The following CYRIA variants were observed in gnomAD, a reference collection of about 807,000 sequenced individuals.
CYRIA encodes CYFIP related Rac1 interactor A.
CYRIA carries 15 observed loss-of-function variants against 43.9 expected under a neutral mutation model. The observed-to-expected ratio is 0.34, with a 90% confidence interval of 0.23 to 0.53. The LOEUF is 0.53. Ranked by LOEUF, CYRIA falls within the 20% of genes least tolerant of loss-of-function variation. The pLI, the probability that CYRIA is intolerant of heterozygous loss-of-function variation, is 0.94. For synonymous variants in CYRIA, 117 were observed against 136.0 expected (o/e 0.86, Z 0.97); for missense variants, 236 against 394.2 (o/e 0.60, Z 3.40).
intron 3 of CYRIA, among the ~76,000 whole-genome samples, chr2:16,567,608 T>C (rs1457948676): frequency 1.3e-5 from 2 of 152,088 alleles, no homozygotes; most frequent in Admixed American, 1.3e-4. Context: ...ATTTTTAGAC[T>C]AGGTGACTCA....
At chr2:16,602,400 C>G (rs1423908511) in intron 2 of CYRIA, among the ~76,000 whole-genome samples, 1 of 152,118 alleles carries the variant, frequency 6.6e-6, no homozygotes, top group East Asian at 1.9e-4. Context: ...AAACTACAGA[C>G]TGACCATGAA....
At chr2:16,633,710 A>G (rs879607192) in intron 1 of CYRIA, among the ~76,000 whole-genome samples, 4 of 151,922 alleles carry the variant, frequency 2.6e-5, no homozygotes, top group Non-Finnish European at 5.9e-5. Flanking sequence ...GGACTGTTAC[A>G]TCAATCTCCT....
At position 16,552,736 on chromosome 2, in the gene CYRIA, C is replaced by A; in HGVS notation, c.*200G>T. Reference sequence around the variant, plus strand: ...TTGGAGAAGGGGGTTTCATTTCAGACATCAAAGGTAAGGCTCTCAAGTCAA... The same window carrying A: ...TTGGAGAAGGGGGTTTCATTTCAGAAATCAAAGGTAAGGCTCTCAAGTCAA... On this transcript the variant is annotated 3_prime_UTR_variant, in exon 12 of 12. Coordinates refer to ENST00000381323, the MANE Select transcript of CYRIA (RefSeq NM_030797.4). 1 of 494,140 alleles carries A rather than the reference C, an allele frequency of 2.0e-6. No homozygotes were observed. Among genetic ancestry groups the A allele is most frequent in the South Asian group, 3.4e-5 (1 of 29,840 alleles). The allele number at this position is 494,140 out of a possible 1,614,324, so 30.6% of individuals were successfully genotyped here.
At chr2:16,656,231 T>C (rs1572208108) in intron 1 of CYRIA, among the ~76,000 whole-genome samples, 1 of 150,740 alleles carries the variant, frequency 6.6e-6, no homozygotes, top group African/African-American at 2.5e-5. Flanking sequence ...CACACACACA[T>C]ACCCACACTC....
intron 2 of CYRIA, among the ~76,000 whole-genome samples, chr2:16,613,512 C>T (rs1411737051): frequency 6.7e-6 from 1 of 149,728 alleles, no homozygotes; most frequent in Non-Finnish European, 1.5e-5. Context: ...TGCAAATGCC[C>T]TCATTTAATT....
rs1187434735 is a variant in CYRIA at position 16,593,680 on chromosome 2, ATT to A, written c.-10-5553_-10-5552del. Among the ~76,000 whole-genome samples the A allele has an allele frequency of 2.2e-4, 17 of 76,804 alleles. No homozygotes were observed. The East Asian group carries it at 4.5e-3, about 20-fold the overall frequency. The allele number at this position is 76,804 out of a possible 152,430, so 50.4% of individuals were successfully genotyped here. Reference sequence around the variant, plus strand: ...GGATTATCATCAAAGATTTAACTTTATTTTTTTGTGTGTGTGTGTTTTTTTTT... The same window carrying A: ...GGATTATCATCAAAGATTTAACTTTATTTTTGTGTGTGTGTGTTTTTTTTT... On this transcript the variant is annotated intron_variant, in intron 2 of 11. Coordinates refer to ENST00000381323, the MANE Select transcript of CYRIA (RefSeq NM_030797.4).
chr2:16,591,370 C>T (rs1299105073), intron 2 of CYRIA, among the ~76,000 whole-genome samples: 1 of 152,074 alleles, frequency 6.6e-6, no homozygotes, highest in African/African-American at 2.4e-5. Flanking sequence ...AGAAGTGTCC[C>T]CTTCAATATT....
chr2:16,641,386 C>A (rs1669671921), intron 1 of CYRIA, among the ~76,000 whole-genome samples: 1 of 152,140 alleles, frequency 6.6e-6, no homozygotes, highest in Admixed American at 6.5e-5. Context: ...CTCCTATATG[C>A]CCCTTTTTCT....
At chr2:16,651,225 C>T (rs535884165) in intron 1 of CYRIA, among the ~76,000 whole-genome samples, 3 of 152,342 alleles carry the variant, frequency 2.0e-5, no homozygotes, top group Non-Finnish European at 4.4e-5. Flanking sequence ...ACACCTCCCA[C>T]TCCTGTATAC....
At chr2:16,561,645 T>A in intron 6 of CYRIA, 112 bp from the exon 7 acceptor site, 1 of 813,764 alleles carries the variant, frequency 1.2e-6, no homozygotes, top group Non-Finnish European at 2.0e-6. Flanking sequence ...TTCTCTTTGT[T>A]ACATAAGAGT....
chr2:16,585,766 C>A (rs1312997546), intron 3 of CYRIA, among the ~76,000 whole-genome samples: 1 of 152,104 alleles, frequency 6.6e-6, no homozygotes, highest in African/African-American at 2.4e-5. Context: ...GCAGAGTACT[C>A]TGGTAGTAGT....
At chr2:16,661,661 A>G (rs778319403) in intron 1 of CYRIA, among the ~76,000 whole-genome samples, 4 of 152,228 alleles carry the variant, frequency 2.6e-5, no homozygotes, top group Non-Finnish European at 5.9e-5. Flanking sequence ...CTGAGTTACA[A>G]CACTGACTGG....
chr2:16,609,860 A>G (rs1373147856), intron 2 of CYRIA, among the ~76,000 whole-genome samples: 1 of 152,190 alleles, frequency 6.6e-6, no homozygotes, highest in Non-Finnish European at 1.5e-5. Context: ...ACACACTCTT[A>G]CTGGTCAGAG....
Position 16,610,936 on chromosome 2 carries a change from A to ATATATATATATATATATATATATATC in CYRIA, c.-11+12927_-11+12928insGATATATATATATATATATATATATA, listed in dbSNP as rs1213859384. Among the ~76,000 whole-genome samples, 2 of 127,942 alleles carry ATATATATATATATATATATATATATC rather than the reference A, an allele frequency of 1.6e-5. 1 individual carries two copies. The highest frequency in any genetic ancestry group is 3.2e-5 in the Non-Finnish European group (2 of 61,736). 83.9% of individuals were successfully genotyped at this position (127,942 alleles called of 152,430 possible). A position where few individuals can be genotyped will look rare whatever the true frequency, so the allele number is the denominator to read the frequency against. The stretch of plus-strand genomic sequence containing the variant: ...TATATATATATATATATATATATAT[A>ATATATATATATATATATATATATATC]TCCTGTATATCTTGCATATATTTCT... On this transcript the variant is annotated intron_variant, in intron 2 of 11. Coordinates refer to ENST00000381323, the MANE Select transcript of CYRIA (RefSeq NM_030797.4).
intron 2 of CYRIA, among the ~76,000 whole-genome samples, chr2:16,591,733 G>A (rs915932728): frequency 1.3e-5 from 2 of 152,118 alleles, no homozygotes; most frequent in Non-Finnish European, 2.9e-5. Context: ...TGGTGTGAGA[G>A]CTTATATCAG....
chr2:16,567,384 C>T (rs1014815533), intron 3 of CYRIA, among the ~76,000 whole-genome samples: 1 of 152,088 alleles, frequency 6.6e-6, no homozygotes, highest in African/African-American at 2.4e-5. Flanking sequence ...AGCCTGGCAA[C>T]AGGGTGAGAC....
At chr2:16,640,319 G>A (rs1669635948) in intron 1 of CYRIA, among the ~76,000 whole-genome samples, 1 of 152,218 alleles carries the variant, frequency 6.6e-6, no homozygotes, top group Non-Finnish European at 1.5e-5. Flanking sequence ...GCTGGGACTG[G>A]CAGCAGGCCA....
intron 1 of CYRIA, among the ~76,000 whole-genome samples, chr2:16,631,106 C>T (rs1235721328): frequency 3.3e-5 from 5 of 152,220 alleles, no homozygotes; most frequent in African/African-American, 1.2e-4. Flanking sequence ...AGATACAACA[C>T]CTGTTAAATG....
At chr2:16,607,501 T>C (rs1668448948) in intron 2 of CYRIA, among the ~76,000 whole-genome samples, 1 of 152,202 alleles carries the variant, frequency 6.6e-6, no homozygotes, top group Admixed American at 6.5e-5. Flanking sequence ...TCTTTCAAGA[T>C]TCCGCCCCTC....
Sources: allele counts gnomAD v4.1 joint callset (sites outside exome capture counted in the v4.1 genomes callset), GRCh38; gene constraint gnomAD v4.1.1; transcripts MANE v1.5; gene names NCBI Gene and HGNC (gene_info 2026-07-23, HGNC 2026-07-21).